The following KIF25 variants were observed in gnomAD, a reference collection of about 807,000 sequenced individuals.
KIF25 encodes kinesin-like protein KIF25.
KIF25 carries 19 observed loss-of-function variants against 32.9 expected under a neutral mutation model. That is an observed-to-expected ratio of 0.58 (90% CI 0.40 to 0.85). KIF25 has a LOEUF of 0.85. Among genes scored for constraint, KIF25 ranks in the 40% least tolerant of loss-of-function variants. KIF25 has a pLI of 0.00. For missense variants in KIF25, 485 were observed against 507.0 expected (o/e 0.96, Z 0.42); for synonymous variants, 225 against 213.7 (o/e 1.05, Z -0.46).
chr6:168,020,743 A>C (rs1237393658), intron 5 of KIF25, among the ~76,000 whole-genome samples: 1 of 152,240 alleles, frequency 6.6e-6, no homozygotes, highest in Non-Finnish European at 1.5e-5. Flanking sequence ...CTAACAAAAA[A>C]AGATACATGG....
At chr6:168,043,390 C>A (rs939936411) in intron 12 of KIF25, among the ~76,000 whole-genome samples, 3 of 152,184 alleles carry the variant, frequency 2.0e-5, no homozygotes, top group Non-Finnish European at 4.4e-5. Context: ...ACGGCAGGGG[C>A]ACATGGCCAC....
chr6:168,012,937 C>CTGTGTGGCTGGCCTGGGATG lies in KIF25; in HGVS notation c.-162-5032_-162-5013dup, dbSNP rs373349606. Among the ~76,000 whole-genome samples the CTGTGTGGCTGGCCTGGGATG allele has an allele frequency of 5.5e-3, 830 of 152,210 alleles. 14 individuals carry two copies. The highest frequency in any genetic ancestry group is 0.019 in the African/African-American group (785 of 41,512). On this transcript the variant is annotated intron_variant, in intron 4 of 12. Transcript: ENST00000643607. ...GTGGGTTTGGAGTACAGGTTTCAGG[C>CTGTGTGGCTGGCCTGGGATG]TGTGTGGCTGGCCTGGGATGTGTCC...
At chr6:168,001,249 A>G (rs1798497074) in intron 2 of KIF25, among the ~76,000 whole-genome samples, 1 of 152,240 alleles carries the variant, frequency 6.6e-6, no homozygotes, top group African/African-American at 2.4e-5. Flanking sequence ...GGACCGGTTC[A>G]GCAAGATAAT....
chr6:168,010,925 C>G (rs1798639436), intron 4 of KIF25, among the ~76,000 whole-genome samples: 2 of 152,076 alleles, frequency 1.3e-5, no homozygotes, highest in South Asian at 4.1e-4. Context: ...AGTAAGGCTA[C>G]TCCTGATTGC....
At chr6:168,006,120 C>A (rs1291457565) in intron 4 of KIF25, among the ~76,000 whole-genome samples, 1 of 152,046 alleles carries the variant, frequency 6.6e-6, no homozygotes, top group Non-Finnish European at 1.5e-5. Context: ...GCCAAAGTGG[C>A]ATATTTTGGG....
intron 4 of KIF25, among the ~76,000 whole-genome samples, chr6:168,014,091 C>T (rs1234514653): frequency 1.3e-5 from 2 of 152,092 alleles, no homozygotes; most frequent in Non-Finnish European, 2.9e-5. Flanking sequence ...TCCTCATGAT[C>T]AGGACTTCGT....
At chr6:168,004,692 G>T (rs1403042125) in intron 4 of KIF25, among the ~76,000 whole-genome samples, 2 of 152,182 alleles carry the variant, frequency 1.3e-5, no homozygotes, top group African/African-American at 4.8e-5. Context: ...GTTCAGGGTT[G>T]CCTCAAACCC....
rs559808556 is a variant in KIF25, at chr6:168,018,500, C to T, written c.-95+460C>T. On this transcript the variant is annotated intron_variant, in intron 5 of 12. Coordinates refer to ENST00000643607, the MANE Select transcript of KIF25 (RefSeq NM_030615.4). Reference sequence around the variant, plus strand: ...CTCAGGTCACAACCCCATCATAAGACGAGGGACATCTGTAATCCATATGTT... The same window carrying T: ...CTCAGGTCACAACCCCATCATAAGATGAGGGACATCTGTAATCCATATGTT... 3.3e-5 allele frequency among the ~76,000 whole-genome samples: 5 copies of T among 152,270 alleles called. No homozygotes were observed. The East Asian group carries it at 5.8e-4, about 18-fold the overall frequency.
chr6:168,000,446 A>C (rs1376660249), intron 2 of KIF25, among the ~76,000 whole-genome samples: 1 of 64,316 alleles, frequency 1.6e-5, no homozygotes, highest in Non-Finnish European at 3.1e-5. Context: ...GACCCTCCCC[A>C]CTCCCATCCT....
chr6:168,005,988 G>A (rs182344823), intron 4 of KIF25, among the ~76,000 whole-genome samples: 203 of 152,320 alleles, frequency 1.3e-3, no homozygotes, highest in Non-Finnish European at 1.1e-3. Context: ...TCCTGGCCCA[G>A]CAAGGGCGGC....
At chr6:168,009,405 C>T (rs1330665413) in intron 4 of KIF25, among the ~76,000 whole-genome samples, 1 of 152,072 alleles carries the variant, frequency 6.6e-6, no homozygotes, top group Non-Finnish European at 1.5e-5. Context: ...ACTGTCCTCA[C>T]ATTTTGGGAT....
intron 2 of KIF25, among the ~76,000 whole-genome samples, chr6:168,001,574 CTGAGG>C (rs1798502476): frequency 7.4e-6 from 1 of 135,542 alleles, no homozygotes; most frequent in South Asian, 2.6e-4. Context: ...GAGAAGACAC[CTGAGG>C]CGTGGCCTCG....
At chr6:168,007,790 C>T (rs544724326) in intron 4 of KIF25, among the ~76,000 whole-genome samples, 15 of 152,274 alleles carry the variant, frequency 9.9e-5, no homozygotes, top group African/African-American at 3.6e-4. Context: ...CTTGTAGCCA[C>T]AGGAATTTAG....
chr6:168,001,470 G>A (rs1233584151), intron 2 of KIF25, among the ~76,000 whole-genome samples: 2 of 152,244 alleles, frequency 1.3e-5, no homozygotes, highest in African/African-American at 2.4e-5. Context: ...CACCATAAGA[G>A]GCACATACAT....
chr6:168,015,643 A>C (rs771723495), intron 4 of KIF25, among the ~76,000 whole-genome samples: 1 of 152,202 alleles, frequency 6.6e-6, no homozygotes, highest in African/African-American at 2.4e-5. Flanking sequence ...GATAAAAGAA[A>C]GTTGTTTAAA....
intron 4 of KIF25, among the ~76,000 whole-genome samples, chr6:168,012,282 G>T (rs905675268): frequency 5.9e-5 from 9 of 152,124 alleles, no homozygotes; most frequent in African/African-American, 2.2e-4. Flanking sequence ...CCCTAACATT[G>T]ACTCCTATAC....
chr6:168,028,663 A>T (rs1798898706), intron 5 of KIF25, among the ~76,000 whole-genome samples: 1 of 152,250 alleles, frequency 6.6e-6, no homozygotes, highest in Non-Finnish European at 1.5e-5. Flanking sequence ...GGATTGAGGT[A>T]AGTTTATAAA....
chr6:167,997,959 C>T lies in KIF25; in HGVS notation c.-1510C>T, dbSNP rs73788661. 8.9e-3 allele frequency among the ~76,000 whole-genome samples: 1,360 copies of T among 152,298 alleles called. 21 individuals carry two copies. Among genetic ancestry groups the T allele is most frequent in the African/African-American group, 0.031 (1,293 of 41,552 alleles). ...AAAGAATAATTCTCATTTTAAGCAT[C>T]TACTTATGTAGTTCAGTGCTCCAAA... On this transcript the variant is annotated 5_prime_UTR_variant, in exon 1 of 13. Coordinates refer to ENST00000643607, the MANE Select transcript of KIF25 (RefSeq NM_030615.4).
At chr6:168,035,725 T>C (rs1799015501) in intron 8 of KIF25, 1 of 456,208 alleles carries the variant, frequency 2.2e-6, no homozygotes, top group South Asian at 1.5e-5. Context: ...TCTCGGGTGC[T>C]GTGCGTCTCC....
Sources: gnomAD v4.1 joint callset for allele counts (sites outside exome capture counted in the v4.1 genomes callset) on GRCh38, gnomAD v4.1.1 for gene constraint, MANE v1.5 for transcripts, NCBI Gene and HGNC (gene_info 2026-07-23, HGNC 2026-07-21) for gene names.